The following MYO3A variants were observed in gnomAD, a reference collection of about 807,000 sequenced individuals.
MYO3A encodes myosin-IIIa.
Under a neutral mutation model 192.7 loss-of-function variants are expected in MYO3A, and 180 were observed. That is an observed-to-expected ratio of 0.93 (90% confidence interval 0.83 to 1.06). The LOEUF is 1.06. Ranked by LOEUF, MYO3A falls within the 50% of genes least tolerant of loss-of-function variation. MYO3A has a pLI of 0.00. For missense variants in MYO3A, 1,896 were observed against 1,905.0 expected, an observed-to-expected ratio of 1.00 and a Z score of 0.09; for synonymous variants, 628 against 645.3, an observed-to-expected ratio of 0.97 and a Z score of 0.41.
At chr10:26,114,043 TCTGC>T (rs1275451991) in intron 17 of MYO3A, among the ~76,000 whole-genome samples, 1 of 152,206 alleles carries the variant, frequency 6.6e-6, no homozygotes, top group East Asian at 1.9e-4. Flanking sequence ...TCAGTTCTTA[TCTGC>T]CTGGTATGTG....
chr10:26,071,988 C>T (rs866516983), intron 14 of MYO3A, among the ~76,000 whole-genome samples: 5 of 152,000 alleles, frequency 3.3e-5, no homozygotes, highest in Non-Finnish European at 4.4e-5. Flanking sequence ...TTGCATGACT[C>T]GGAGGCCTCA....
intron 15 of MYO3A, among the ~76,000 whole-genome samples, chr10:26,095,214 T>A (rs1440125896): frequency 6.6e-6 from 1 of 152,148 alleles, no homozygotes; most frequent in Non-Finnish European, 1.5e-5. Flanking sequence ...GATGACAGTT[T>A]TATACCAATG....
chr10:25,994,649 G>A (rs542669658), intron 4 of MYO3A, among the ~76,000 whole-genome samples: 14,530 of 152,056 alleles, frequency 0.096, 1,213 homozygotes, highest in African/African-American at 0.22. Context: ...GGCTGGTACT[G>A]GTTGTTCCTT....
intron 26 of MYO3A, among the ~76,000 whole-genome samples, chr10:26,162,590 T>C (rs914790788): frequency 3.9e-5 from 6 of 152,252 alleles, no homozygotes; most frequent in African/African-American, 1.4e-4. Context: ...AATTGCTTCA[T>C]CCACGTTTAA....
In MYO3A at chr10:26,125,252, G is replaced by T. The variant is rs1012477967; in HGVS notation, c.1904-146G>T. The stretch of plus-strand genomic sequence containing the variant: ...GATCAAGAAGAGACATAGGACTCAT[G>T]TTGGATAGTATCATATTTTTACATT... On this transcript the variant is annotated intron_variant, in intron 18 of 34. Transcript: ENST00000642920. 3 of 793,420 alleles carry T rather than the reference G, an allele frequency of 3.8e-6. No homozygotes were observed. The African/African-American group carries it at 5.1e-5, about 14-fold the overall frequency. 49.1% of individuals were successfully genotyped at this position (793,420 alleles called of 1,614,324 possible).
At position 25,954,813 on chromosome 10, in the gene MYO3A, G is replaced by A. The variant is rs914602182; in HGVS notation, c.169-61G>A. ...TTCTGTATTTGGTATTCTATAATCTGTTTCTTTGACATTACTCATGGTTTT... is the reference window on the plus strand; with the variant it reads ...TTCTGTATTTGGTATTCTATAATCTATTTCTTTGACATTACTCATGGTTTT... On this transcript the variant is annotated intron_variant, in intron 3 of 34. Transcript: ENST00000642920. 106 of 1,527,176 alleles carry A rather than the reference G, an allele frequency of 6.9e-5. 1 individual carries two copies. The highest frequency in any genetic ancestry group is 8.4e-5 in the Non-Finnish European group (93 of 1,105,012). The allele number at this position is 1,527,176 out of a possible 1,614,324, so 94.6% of individuals were successfully genotyped here.
At chr10:26,053,109 A>T (rs1489772849) in intron 10 of MYO3A, among the ~76,000 whole-genome samples, 1 of 152,180 alleles carries the variant, frequency 6.6e-6, no homozygotes, top group Non-Finnish European at 1.5e-5. Context: ...TGGGAAAGTA[A>T]CAAGAATGGA....
chr10:25,998,476 G>A (rs1177365252), intron 6 of MYO3A, among the ~76,000 whole-genome samples: 1 of 152,094 alleles, frequency 6.6e-6, no homozygotes, highest in African/African-American at 2.4e-5. Context: ...AATAACTGGG[G>A]TGCAGCTAGT....
At chr10:26,044,007 A>G (rs1378687217) in intron 10 of MYO3A, among the ~76,000 whole-genome samples, 1 of 152,138 alleles carries the variant, frequency 6.6e-6, no homozygotes, top group East Asian at 1.9e-4. Context: ...TTCAGGGCCC[A>G]AGAGCTCTTT....
intron 22 of MYO3A, among the ~76,000 whole-genome samples, chr10:26,147,215 TAA>T (rs1840518149): frequency 2.0e-5 from 3 of 152,104 alleles, no homozygotes; most frequent in Admixed American, 6.5e-5. Context: ...TCAACCCAAA[TAA>T]AATCAGTGAG....
chr10:26,208,631 A>G (rs1844084293), intron 34 of MYO3A, among the ~76,000 whole-genome samples: 1 of 152,254 alleles, frequency 6.6e-6, no homozygotes, highest in Non-Finnish European at 1.5e-5. Context: ...TCAGTAACTC[A>G]GAAGAGGATG....
chr10:26,022,144 A>G (rs1339322434), intron 8 of MYO3A: 1 of 152,516 alleles, frequency 6.6e-6, no homozygotes, highest in African/African-American at 2.4e-5. Flanking sequence ...ATATAAAACA[A>G]TAAATTTAGA....
chr10:25,958,503 A>G (rs1413226600), intron 4 of MYO3A, among the ~76,000 whole-genome samples: 1 of 152,024 alleles, frequency 6.6e-6, no homozygotes, highest in African/African-American at 2.4e-5. Context: ...GCCCTGTAGT[A>G]TAGTTTGAAG....
intron 23 of MYO3A, among the ~76,000 whole-genome samples, chr10:26,150,181 G>A (rs1326824110): frequency 1.3e-5 from 2 of 152,080 alleles, no homozygotes; most frequent in Non-Finnish European, 2.9e-5. Context: ...TCATTCCTGG[G>A]AAAAACCTCA....
At chr10:25,944,336 A>G (rs1380023102) in intron 2 of MYO3A, among the ~76,000 whole-genome samples, 1 of 151,988 alleles carries the variant, frequency 6.6e-6, no homozygotes, top group Admixed American at 6.6e-5. Flanking sequence ...GAATCTTCAC[A>G]GAGATATTCA....
chr10:26,002,097 C>T (rs1840864548), intron 6 of MYO3A, among the ~76,000 whole-genome samples: 1 of 152,178 alleles, frequency 6.6e-6, no homozygotes, highest in African/African-American at 2.4e-5. Flanking sequence ...TATTTTTCTT[C>T]CAGCCAGTGG....
intron 4 of MYO3A, among the ~76,000 whole-genome samples, chr10:25,956,218 A>T (rs1274780428): frequency 2.0e-5 from 3 of 152,104 alleles, no homozygotes; most frequent in Admixed American, 1.3e-4. Flanking sequence ...TAACAATATC[A>T]CTTTCACCAT....
intron 6 of MYO3A, among the ~76,000 whole-genome samples, chr10:26,014,753 A>C (rs1160425489): frequency 6.6e-6 from 1 of 152,110 alleles, no homozygotes; most frequent in African/African-American, 2.4e-5. Context: ...TGTTGACAAA[A>C]TTCTATATTT....
At chr10:25,962,617 C>T (rs922155082) in intron 4 of MYO3A, among the ~76,000 whole-genome samples, 2 of 152,128 alleles carry the variant, frequency 1.3e-5, no homozygotes, top group Non-Finnish European at 2.9e-5. Flanking sequence ...TATCACATCT[C>T]TTGACTGACT....
Sources: allele counts gnomAD v4.1 joint callset (sites outside exome capture counted in the v4.1 genomes callset), GRCh38; gene constraint gnomAD v4.1.1; transcripts MANE v1.5; gene names NCBI Gene and HGNC (gene_info 2026-07-23, HGNC 2026-07-21).